Variants in GATA4 observed in about 807,000 individuals in gnomAD.
GATA4 encodes the protein GATA binding protein 4.
In GATA4, 7 loss-of-function variants were observed where a neutral mutation model predicts 37.9. That is an observed-to-expected ratio of 0.18 (90% CI 0.11 to 0.35). The LOEUF is 0.35. Ranked by LOEUF, GATA4 falls within the 10% of genes least tolerant of loss-of-function variation. The pLI is 1.00. For synonymous variants in GATA4, 372 were observed against 292.6 expected (o/e 1.27, Z -2.77); for missense variants, 647 against 653.0 (o/e 0.99, Z 0.10).
At chr8:11,740,610 G>C (rs1235469109) in intron 2 of GATA4, among the ~76,000 whole-genome samples, 1 of 152,228 alleles carries the variant, frequency 6.6e-6, no homozygotes, top group Non-Finnish European at 1.5e-5. Flanking sequence ...GTGACAGCTG[G>C]CAAGACAGTC....
chr8:11,683,835 C>A (rs1241360189), intron 1 of GATA4, among the ~76,000 whole-genome samples: 2 of 152,220 alleles, frequency 1.3e-5, no homozygotes, highest in African/African-American at 4.8e-5. Flanking sequence ...CTGGGCCAGG[C>A]CCCTACCTGT....
At chr8:11,698,212 C>T (rs1195475709) in intron 1 of GATA4, among the ~76,000 whole-genome samples, 2 of 152,238 alleles carry the variant, frequency 1.3e-5, no homozygotes, top group Non-Finnish European at 2.9e-5. Flanking sequence ...TCTCTCTGCC[C>T]GTCCATTGCC....
chr8:11,722,434 A>T (rs1368194843), intron 2 of GATA4, among the ~76,000 whole-genome samples: 1 of 152,202 alleles, frequency 6.6e-6, no homozygotes, highest in Non-Finnish European at 1.5e-5. Context: ...CTTTAATATC[A>T]TTCAATATCC....
Position 11,708,461 on chromosome 8 carries a change from G to A in GATA4, c.149G>A (p.Gly50Asp). 1 of 1,531,154 alleles carries A rather than the reference G, an allele frequency of 6.5e-7. No homozygotes were observed. Among genetic ancestry groups the A allele is most frequent in the Non-Finnish European group, 8.7e-7 (1 of 1,144,774 alleles). 94.8% of individuals were successfully genotyped at this position (1,531,154 alleles called of 1,614,324 possible). Residue 50 changes from glycine (G) to aspartate (D), a missense_variant, in exon 2 of 7, where the codon GGC becomes GAC. Gly to Asp is a moderately conservative substitution (Grantham distance 94). Around this residue, in one of 5 missense-constraint regions of GATA4, gnomAD observed 379 missense variants for 334.5 expected, o/e 1.13. Transcript: ENST00000532059. This position sits in a 1 kb window ranked among gnomAD's most constrained non-coding sequence, Gnocchi z 6.7. ...PTPRVPSSVL[G>D]LSYLQGGGAG... Reference sequence around the variant, plus strand: ...CCGCGGGTGCCCTCCTCCGTGCTGGGCCTGTCCTACCTCCAGGGCGGAGGC... The same window carrying A: ...CCGCGGGTGCCCTCCTCCGTGCTGGACCTGTCCTACCTCCAGGGCGGAGGC...
chr8:11,731,737 T>A (rs1204900285), intron 2 of GATA4, among the ~76,000 whole-genome samples: 1 of 152,250 alleles, frequency 6.6e-6, no homozygotes, highest in Non-Finnish European at 1.5e-5. Context: ...TAATTTTATA[T>A]GTATTTTATC....
intron 2 of GATA4, among the ~76,000 whole-genome samples, chr8:11,740,446 A>T (rs1324786042): frequency 4.6e-5 from 7 of 152,224 alleles, no homozygotes; most frequent in Non-Finnish European, 8.8e-5. Context: ...CGGCACAAAG[A>T]GGAGAACCTT....
Position 11,709,925 on chromosome 8 carries a change from G to A in GATA4, c.616+997G>A, listed in dbSNP as rs1313162665. 2.0e-5 allele frequency among the ~76,000 whole-genome samples: 3 copies of A among 152,212 alleles called. No homozygotes were observed. The highest frequency in any genetic ancestry group is 4.4e-5 in the Non-Finnish European group (3 of 68,042). On this transcript the variant is annotated intron_variant, in intron 2 of 6. Coordinates refer to ENST00000532059, the MANE Select transcript of GATA4 (RefSeq NM_001308093.3). This position sits in a 1 kb window ranked among gnomAD's most constrained non-coding sequence, Gnocchi z 4.3. ...CTCTGGAATTTCGGGAAGAGACGGA[G>A]GAGTGAGTTTGGATTGAGCCCACCC...
At chr8:11,680,912 G>C (rs1367055831) in intron 1 of GATA4, 1 of 985,252 alleles carries the variant, frequency 1.0e-6, no homozygotes, top group Non-Finnish European at 1.2e-6. Flanking sequence ...AAGAGGCCAA[G>C]GATCACAGTA....
At chr8:11,724,665 T>C (rs1041974435) in intron 2 of GATA4, among the ~76,000 whole-genome samples, 11 of 152,202 alleles carry the variant, frequency 7.2e-5, no homozygotes, top group Admixed American at 5.9e-4. Context: ...CGTGAGCTGG[T>C]GGCACATGGG....
chr8:11,725,547 C>G (rs1800879151), intron 2 of GATA4, among the ~76,000 whole-genome samples: 1 of 152,172 alleles, frequency 6.6e-6, no homozygotes, highest in Admixed American at 6.5e-5. Flanking sequence ...AGAGCAAGTT[C>G]TACAGTATTT....
At chr8:11,692,738 C>T in intron 1 of GATA4, 1 of 983,998 alleles carries the variant, frequency 1.0e-6, no homozygotes. Flanking sequence ...GCGCCGGGAC[C>T]CACGCGAGGG....
At chr8:11,685,647 A>G (rs1394289347) in intron 1 of GATA4, among the ~76,000 whole-genome samples, 2 of 152,226 alleles carry the variant, frequency 1.3e-5, no homozygotes, top group Non-Finnish European at 2.9e-5. Flanking sequence ...TTCCACAAGG[A>G]AGAGATTCCC....
At chr8:11,714,481 A>G (rs75058627) in intron 2 of GATA4, among the ~76,000 whole-genome samples, 5 of 152,284 alleles carry the variant, frequency 3.3e-5, no homozygotes, top group Admixed American at 6.5e-5. Context: ...ACTTTGTGAG[A>G]CTGGAGAATG....
At chr8:11,682,693 G>A (rs2129935737) in intron 1 of GATA4, among the ~76,000 whole-genome samples, 1 of 152,332 alleles carries the variant, frequency 6.6e-6, no homozygotes, top group Non-Finnish European at 1.5e-5. Context: ...AGGAAGATGT[G>A]AAAGTCAGCT....
At position 11,750,170 on chromosome 8, in the gene GATA4, G is replaced by A. The variant is rs765432259; in HGVS notation, c.846G>A (p.Leu282=). 2 of 1,613,908 alleles carry A rather than the reference G, an allele frequency of 1.2e-6. No homozygotes were observed. Among genetic ancestry groups the A allele is most frequent in the African/African-American group, 1.3e-5 (1 of 75,082 alleles). ...ACTGCCAGACCACCACCACCACGCT[G>A]TGGCGCCGCAATGCGGAGGGCGAGC... The part of the protein sequence containing the change: ...CANCQTTTTT[L]WRRNAEGEPV... The change falls in exon 4 of 7, where the codon CTG becomes CTA. Residue 282 remains leucine, a synonymous_variant. Coordinates refer to ENST00000532059, the MANE Select transcript of GATA4 (RefSeq NM_001308093.3).
chr8:11,733,554 C>T (rs1436854348), intron 2 of GATA4, among the ~76,000 whole-genome samples: 1 of 152,184 alleles, frequency 6.6e-6, no homozygotes, highest in African/African-American at 2.4e-5. Flanking sequence ...TGAATCCTTT[C>T]AAATATCATG....
intron 2 of GATA4, among the ~76,000 whole-genome samples, chr8:11,735,002 A>C (rs1192646397): frequency 6.6e-6 from 1 of 152,248 alleles, no homozygotes; most frequent in African/African-American, 2.4e-5. Context: ...CTGTAAATCA[A>C]CTCAAATAAA....
intron 2 of GATA4, among the ~76,000 whole-genome samples, chr8:11,723,982 C>T (rs1800798826): frequency 6.6e-6 from 1 of 152,190 alleles, no homozygotes; most frequent in Non-Finnish European, 1.5e-5. Flanking sequence ...GTATCCCCTT[C>T]CCTCCAGCCT....
intron 2 of GATA4, among the ~76,000 whole-genome samples, chr8:11,720,003 G>T (rs1055326634): frequency 6.6e-6 from 1 of 152,100 alleles, no homozygotes; most frequent in Non-Finnish European, 1.5e-5. Context: ...GAGTTGCAGC[G>T]CTGAAATCTG....
Sources: allele counts gnomAD v4.1 joint callset (sites outside exome capture counted in the v4.1 genomes callset), GRCh38; gene constraint gnomAD v4.1.1; regional missense constraint gnomAD v4.1.1; non-coding constraint Gnocchi (gnomAD v3.1); transcripts MANE v1.5; gene names NCBI Gene and HGNC (gene_info 2026-07-23, HGNC 2026-07-21).